Variants in TMOD1 observed in about 807,000 individuals in gnomAD.
The protein encoded by TMOD1 is tropomodulin 1.
Under a neutral mutation model 40.6 loss-of-function variants are expected in TMOD1, and 17 were observed. That is an observed-to-expected ratio of 0.42 (90% CI 0.29 to 0.63). The LOEUF (loss-of-function observed/expected upper bound fraction) is 0.63. TMOD1 is among the 20% of genes least tolerant of loss of function. TMOD1 has a pLI of 0.22. For synonymous variants in TMOD1, 181 were observed against 175.0 expected, an observed-to-expected ratio of 1.03 and a Z score of -0.27; for missense variants, 391 against 447.6, an observed-to-expected ratio of 0.87 and a Z score of 1.14.
chr9:97,548,840 TGGA>T (rs1587935523), intron 3 of TMOD1, among the ~76,000 whole-genome samples: 1 of 152,212 alleles, frequency 6.6e-6, no homozygotes, highest in African/African-American at 2.4e-5. Context: ...TGCTAGTTGT[TGGA>T]GTTCTTATGA....
intron 8 of TMOD1, 71 bp from the exon 9 acceptor site, chr9:97,591,220 T>C: frequency 6.9e-7 from 1 of 1,444,454 alleles, no homozygotes. Context: ...CAGGTAGAGG[T>C]GGTTTAGGCA....
intron 3 of TMOD1, 50 bp downstream of exon 3, chr9:97,546,391 A>G: frequency 6.3e-7 from 1 of 1,577,346 alleles, no homozygotes; most frequent in Non-Finnish European, 8.6e-7. Context: ...TGCACCATTG[A>G]GTGCCGACTG....
At position 97,562,837 on chromosome 9, in the gene TMOD1, C is replaced by T. The variant is rs1830661777; in HGVS notation, c.487+16C>T. 2 of 1,569,042 alleles carry T rather than the reference C, an allele frequency of 1.3e-6. No homozygotes were observed. Among genetic ancestry groups the T allele is most frequent in the Admixed American group, 1.9e-5 (1 of 51,408 alleles). On this transcript the variant is annotated intron_variant, in intron 5 of 9. Transcript: ENST00000259365. Reference sequence around the variant, plus strand: ...GGGCTCAACAGTGAGTATGCGCCCGCCCCCAGGAGGGACCTCATGCTTCTT... The same window carrying T: ...GGGCTCAACAGTGAGTATGCGCCCGTCCCCAGGAGGGACCTCATGCTTCTT...
At chr9:97,507,821 A>AT (rs1483350504) in intron 1 of TMOD1, among the ~76,000 whole-genome samples, 1 of 152,176 alleles carries the variant, frequency 6.6e-6, no homozygotes, top group Non-Finnish European at 1.5e-5. Flanking sequence ...TAGTAGAAGG[A>AT]AGAACATCAA....
At chr9:97,577,839 T>C (rs1339086124) in intron 8 of TMOD1, among the ~76,000 whole-genome samples, 1 of 152,196 alleles carries the variant, frequency 6.6e-6, no homozygotes, top group Non-Finnish European at 1.5e-5. Context: ...CAGGAAAAAT[T>C]CCTTAGATTG....
At chr9:97,591,210 C>A in intron 8 of TMOD1, 81 bp from the exon 9 acceptor site, 1 of 1,402,244 alleles carries the variant, frequency 7.1e-7, no homozygotes, top group Non-Finnish European at 9.5e-7. Context: ...AGAGTTTCTG[C>A]AGGTAGAGGT....
intron 2 of TMOD1, among the ~76,000 whole-genome samples, 189 bp downstream of exon 2, chr9:97,524,497 G>GGTGTGTGTGTATGT (rs1554753948): frequency 1.4e-5 from 2 of 142,936 alleles, no homozygotes; most frequent in African/African-American, 5.4e-5. Context: ...GAACCAATAG[G>GGTGTGTGTGTATGT]GTGTGTGTGT....
rs564046583 is a variant in TMOD1, at chr9:97,531,043, C to CA, written c.120+6735_120+6736insA. 1.0e-3 allele frequency among the ~76,000 whole-genome samples: 140 copies of CA among 138,532 alleles called. 9 individuals are homozygous for CA. Among genetic ancestry groups the CA allele is most frequent in the African/African-American group, 3.5e-3 (132 of 37,820 alleles). The allele number at this position is 138,532 out of a possible 152,430, so 90.9% of individuals were successfully genotyped here. ...CCTTAGGTGATCCACACCCACCCCC[C>CA]CCACCACCCCTTGGCCTCCCAAAGT... On this transcript the variant is annotated intron_variant, in intron 2 of 9. Coordinates refer to ENST00000259365, the MANE Select transcript of TMOD1 (RefSeq NM_003275.4).
chr9:97,575,544 A>G (rs953456124), intron 8 of TMOD1, among the ~76,000 whole-genome samples: 2 of 152,184 alleles, frequency 1.3e-5, no homozygotes, highest in African/African-American at 4.8e-5. Context: ...TGGGAGATGG[A>G]GGGAATTTTA....
At chr9:97,574,620 T>A (rs1587952757) in intron 8 of TMOD1, among the ~76,000 whole-genome samples, 1 of 152,254 alleles carries the variant, frequency 6.6e-6, no homozygotes. Flanking sequence ...ATCCACTGGG[T>A]GAAGCCAGCT....
At chr9:97,580,554 C>T (rs866782095) in intron 8 of TMOD1, among the ~76,000 whole-genome samples, 59 of 150,692 alleles carry the variant, frequency 3.9e-4, no homozygotes, top group African/African-American at 1.3e-3. Context: ...TGCAGTGAGC[C>T]GAGATTGCAC....
chr9:97,569,112 G>A, intron 8 of TMOD1, 75 bp downstream of exon 8: 1 of 1,569,592 alleles, frequency 6.4e-7, no homozygotes, highest in Non-Finnish European at 8.7e-7. Flanking sequence ...CCATGCTGCT[G>A]GATGGAGCTG....
chr9:97,508,102 CACAG>C (rs1252898248), intron 1 of TMOD1, among the ~76,000 whole-genome samples: 1 of 148,984 alleles, frequency 6.7e-6, no homozygotes, highest in Non-Finnish European at 1.5e-5. Flanking sequence ...CACACACACA[CACAG>C]ACTCTGGAGA....
chr9:97,538,355 C>T (rs898205790), intron 2 of TMOD1, among the ~76,000 whole-genome samples: 8 of 152,062 alleles, frequency 5.3e-5, no homozygotes, highest in African/African-American at 1.7e-4. Flanking sequence ...AATCTCACAA[C>T]CTGTCTTTGG....
chr9:97,551,011 TATA>T (rs1299908264), intron 3 of TMOD1, among the ~76,000 whole-genome samples: 2 of 40,058 alleles, frequency 5.0e-5, no homozygotes, highest in African/African-American at 1.9e-4. Context: ...TATATATATA[TATA>T]TTTTTTTTTT....
chr9:97,592,083 T>A (rs928055408), intron 9 of TMOD1, among the ~76,000 whole-genome samples: 1 of 151,932 alleles, frequency 6.6e-6, no homozygotes, highest in Non-Finnish European at 1.5e-5. Flanking sequence ...TGAACACTTA[T>A]ATACCTATAT....
rs954505723 is a variant in TMOD1, at chr9:97,558,575, C to T, written c.398-4157C>T. ...TCTCCTGCCTCAGCCTCCCAAGTAG[C>T]TGGGATCACGGGCGTGTGCCACCAT... On this transcript the variant is annotated intron_variant, in intron 4 of 9. Coordinates refer to ENST00000259365, the MANE Select transcript of TMOD1 (RefSeq NM_003275.4). Among the ~76,000 whole-genome samples the T allele has an allele frequency of 6.8e-4, 104 of 152,278 alleles. 1 individual carries two copies. The highest frequency in any genetic ancestry group is 1.4e-3 in the Non-Finnish European group (96 of 68,038).
intron 9 of TMOD1, among the ~76,000 whole-genome samples, chr9:97,594,073 G>A (rs1284795099): frequency 1.3e-5 from 2 of 152,152 alleles, no homozygotes; most frequent in Non-Finnish European, 2.9e-5. Flanking sequence ...CAGGGGCCTG[G>A]CGATGGAAGC....
chr9:97,531,730 G>A (rs544117168), intron 2 of TMOD1, among the ~76,000 whole-genome samples: 14 of 152,254 alleles, frequency 9.2e-5, no homozygotes, highest in Admixed American at 2.0e-4. Context: ...CCCACCCCAG[G>A]CATCTACATA....
Sources: allele counts gnomAD v4.1 joint callset (sites outside exome capture counted in the v4.1 genomes callset), GRCh38; gene constraint gnomAD v4.1.1; transcripts MANE v1.5; gene names NCBI Gene and HGNC (gene_info 2026-07-23, HGNC 2026-07-21).